The following C2 variants were observed in gnomAD, a reference collection of about 807,000 sequenced individuals.
The protein encoded by C2 is complement C2.
A neutral mutation model predicts 85.2 loss-of-function variants in C2; 64 were observed. The ratio of observed to expected loss-of-function variants is 0.75; its 90% CI spans 0.61 to 0.92. C2 has a LOEUF of 0.92. Among genes scored for constraint, C2 ranks in the 40% least tolerant of loss-of-function variants. C2 has a pLI of 0.00. For synonymous variants in C2, 311 were observed against 370.8 expected, an observed-to-expected ratio of 0.84 and a Z score of 1.85; for missense variants, 820 against 971.6, an observed-to-expected ratio of 0.84 and a Z score of 2.07.
chr6:31,923,945 G>A (rs1408064504), upstream of C2, among the ~76,000 whole-genome samples: 2 of 151,590 alleles, frequency 1.3e-5, no homozygotes, highest in Admixed American at 1.3e-4. Context: ...GACTACAGGC[G>A]CCTGCCACCG....
At chr6:31,905,421 G>A (rs1175829829) in intron 1 of C2, among the ~76,000 whole-genome samples, 1 of 132,358 alleles carries the variant, frequency 7.6e-6, no homozygotes, top group African/African-American at 3.0e-5. Flanking sequence ...CTGGGCAACA[G>A]AATGAGACCC....
intron 1 of C2, among the ~76,000 whole-genome samples, chr6:31,908,616 C>T (rs957744530): frequency 1.3e-5 from 2 of 150,402 alleles, no homozygotes; most frequent in Non-Finnish European, 3.0e-5. Context: ...TGCACCACTC[C>T]ACTCCAGCCT....
chr6:31,922,853 A>G (rs1769058830), upstream of C2, among the ~76,000 whole-genome samples: 1 of 152,180 alleles, frequency 6.6e-6, no homozygotes, highest in Non-Finnish European at 1.5e-5. This position sits in a 1 kb window ranked among gnomAD's most constrained non-coding sequence, Gnocchi z 4.8. Context: ...AAAACAAAAA[A>G]CCAAAAAAAC....
In C2 at chr6:31,936,229, G is replaced by GCT. The variant is rs1370127840; in HGVS notation, c.988+169_988+170dup. 4 of 685,882 alleles carry GCT rather than the reference G, an allele frequency of 5.8e-6. No homozygotes were observed. The African/African-American group carries it at 7.1e-5, about 12-fold the overall frequency. The allele number at this position is 685,882 out of a possible 1,614,324, so 42.5% of individuals were successfully genotyped here. ...TCCAGGGTTATGGTGGGGGAGTCCA[G>GCT]CTGCCCCCAGCTCATAGCTCATTCT... is the stretch of plus-strand genomic sequence containing the variant. On this transcript the variant is annotated intron_variant, in intron 7 of 17. Coordinates refer to ENST00000299367, the MANE Select transcript of C2 (RefSeq NM_000063.6).
Position 31,944,073 on chromosome 6 carries a change from A to C in C2, c.1811-62A>C. Reference sequence around the variant, plus strand: ...AACAAGGACTAGGCTGCAGTCCCCAAGCCAGGAACCTGGATTCTGGGTAAA... The same window carrying C: ...AACAAGGACTAGGCTGCAGTCCCCACGCCAGGAACCTGGATTCTGGGTAAA... On this transcript the variant is annotated intron_variant, in intron 14 of 17. Transcript: ENST00000299367. The surrounding 1 kb of genome is among the most constrained non-coding windows in gnomAD (Gnocchi z 5.1). 3.1e-6 allele frequency: 5 copies of C among 1,593,448 alleles called. No homozygotes were observed. Among genetic ancestry groups the C allele is most frequent in the Non-Finnish European group, 4.3e-6 (5 of 1,162,160 alleles).
rs770315100 is a variant in C2, at chr6:31,933,780, C to T, written c.613C>T (p.Arg205Cys). 1.3e-5 allele frequency: 21 copies of T among 1,613,810 alleles called. No individual in the cohort carries two copies. Among genetic ancestry groups the T allele is most frequent in the Non-Finnish European group, 1.7e-5 (20 of 1,180,034 alleles). ...GVWSGTEPIC[R>C]QPYSYDFPED... ...CTGGAGTGGAACGGAGCCCATCTGC[C>T]GCCGTGAGTAGCTGCCCTGCCCTCC... The change falls in exon 4 of 18, where the codon CGC becomes TGC. Residue 205 changes from arginine to cysteine, a missense_variant. Coordinates refer to ENST00000299367, the MANE Select transcript of C2 (RefSeq NM_000063.6).
At position 31,944,581 on chromosome 6, in the gene C2, A is replaced by G. The variant is rs1377234761; in HGVS notation, c.1903-146A>G. ...TTTTTAGTAGAGACGGGATTTCGCC[A>G]TGTTGGCCAGGATGGTCTTGAACTC... On this transcript the variant is annotated intron_variant, in intron 15 of 17. Coordinates refer to ENST00000299367, the MANE Select transcript of C2 (RefSeq NM_000063.6). This position sits in a 1 kb window ranked among gnomAD's most constrained non-coding sequence, Gnocchi z 5.1. 2.3e-5 allele frequency: 21 copies of G among 902,168 alleles called. No homozygotes were observed. Among genetic ancestry groups the G allele is most frequent in the Non-Finnish European group, 2.6e-5 (14 of 542,278 alleles). The allele number at this position is 902,168 out of a possible 1,614,324, so 55.9% of individuals were successfully genotyped here. A position where few individuals can be genotyped will look rare whatever the true frequency, so the allele number is the denominator to read the frequency against.
At chr6:31,907,210 T>C (rs1156744190) in intron 1 of C2, among the ~76,000 whole-genome samples, 11 of 151,738 alleles carry the variant, frequency 7.2e-5, no homozygotes, top group African/African-American at 2.7e-4. Context: ...AAATTCAAAG[T>C]TCAAAATTCA....
In C2 at chr6:31,921,287, T is replaced by TA. The variant is rs966315529; in HGVS notation, c.-100+1271dup. ...GACCTTACTTGGATAGCTCATTGTT[T>TA]AAAAAAAAAACTCCTGGATCCTTCC... On this transcript the variant is annotated intron_variant, in intron 1 of 3. Coordinates refer to the C2 transcript ENST00000413154. This position sits in a 1 kb window ranked among gnomAD's most constrained non-coding sequence, Gnocchi z 4.6. Among the ~76,000 whole-genome samples the TA allele has an allele frequency of 1.3e-4, 20 of 148,912 alleles. No individual in the cohort carries two copies. Among genetic ancestry groups the TA allele is most frequent in the African/African-American group, 3.4e-4 (14 of 40,628 alleles).
chr6:31,911,329 A>T (rs912104694), intron 1 of C2, among the ~76,000 whole-genome samples: 3 of 152,172 alleles, frequency 2.0e-5, no homozygotes, highest in Admixed American at 1.3e-4. Context: ...ACATAAAAAA[A>T]AAAATAAAAT....
intron 3 of C2, among the ~76,000 whole-genome samples, chr6:31,930,578 A>C (rs1164162523): frequency 6.6e-6 from 1 of 152,118 alleles, no homozygotes; most frequent in Admixed American, 6.5e-5. Flanking sequence ...GCTTGGCAGA[A>C]GTAGGGCTCC....
chr6:31,902,435 C>T (rs1346743464), intron 1 of C2, among the ~76,000 whole-genome samples: 1 of 152,106 alleles, frequency 6.6e-6, no homozygotes, highest in African/African-American at 2.4e-5. Flanking sequence ...CGGCTGCGGG[C>T]GCTGCCACCT....
upstream of C2, among the ~76,000 whole-genome samples, chr6:31,926,548 G>C (rs1202532183): frequency 1.3e-5 from 2 of 151,828 alleles, no homozygotes; most frequent in African/African-American, 4.8e-5. Context: ...TGGCCGGGCT[G>C]GTCTCAAATT....
rs1769049991 is a variant in C2, at chr6:31,922,674, T to G, written c.-100+2648T>G. ...CTGACCAGCATGGTGAAACCCCATC[T>G]CTACTAAAAATACAAAAATTAGCTG... is the stretch of plus-strand genomic sequence containing the variant. On this transcript the variant is annotated intron_variant, in intron 1 of 3. Coordinates refer to the C2 transcript ENST00000413154. This position sits in a 1 kb window ranked among gnomAD's most constrained non-coding sequence, Gnocchi z 4.8. 1.3e-5 allele frequency among the ~76,000 whole-genome samples: 2 copies of G among 152,100 alleles called. No homozygotes were observed. The highest frequency in any genetic ancestry group is 4.8e-5 in the African/African-American group (2 of 41,414).
At chr6:31,898,649 T>G (rs113209967), upstream of C2, among the ~76,000 whole-genome samples, 3,396 of 151,830 alleles carry the variant, frequency 0.022, 64 homozygotes, top group Non-Finnish European at 0.034. Context: ...TTAGCTTTTT[T>G]TTTTTTTTTT....
upstream of C2, among the ~76,000 whole-genome samples, chr6:31,918,153 C>T (rs3128759): frequency 0.73 from 110,318 of 151,870 alleles, 40,638 homozygotes; most frequent in South Asian, 0.84. Context: ...GGTATGATGG[C>T]ATATGCCTGT....
chr6:31,945,182 G>T lies in C2; in HGVS notation c.2084G>T (p.Gly695Val). The stretch of plus-strand genomic sequence containing the variant: ...CAGTTCTCTCCTTTTCTCCAGGTGG[G>T]TCTGGTGAGCTGGGGTCTTTACAAC... The part of the protein sequence containing the change: ...LERRFRFFQV[G>V]LVSWGLYNPC... Residue 695 changes from glycine to valine, a missense_variant, in exon 18 of 18, where the codon GGT (glycine) becomes GTT (valine). Physicochemically the swap from Gly to Val is moderately radical, Grantham distance 109. Coordinates refer to ENST00000299367, the MANE Select transcript of C2 (RefSeq NM_000063.6). The surrounding 1 kb of genome is among the most constrained non-coding windows in gnomAD (Gnocchi z 5.3). 1.2e-6 allele frequency: 2 copies of T among 1,612,906 alleles called. No individual in the cohort carries two copies. Among genetic ancestry groups the T allele is most frequent in the Non-Finnish European group, 1.7e-6 (2 of 1,179,992 alleles).
intron 3 of C2, among the ~76,000 whole-genome samples, chr6:31,932,801 G>T (rs1770010569): frequency 2.0e-5 from 3 of 152,234 alleles, no homozygotes; most frequent in Admixed American, 2.0e-4. Flanking sequence ...CCAAGATCAC[G>T]CCACTGCACT....
chr6:31,935,049 T>C lies in C2; in HGVS notation c.849+750T>C, dbSNP rs1219212308. ...ATAAAATAAAATAAAATAAAATATG[T>C]GTGATAGAAGTTTGGAAGCCACTGG... is the stretch of plus-strand genomic sequence containing the variant. On this transcript the variant is annotated intron_variant, in intron 6 of 17. Coordinates refer to ENST00000299367, the MANE Select transcript of C2 (RefSeq NM_000063.6). This position sits in a 1 kb window ranked among gnomAD's most constrained non-coding sequence, Gnocchi z 4.3. 2.1e-6 allele frequency: 2 copies of C among 942,396 alleles called. No homozygotes were observed. Among genetic ancestry groups the C allele is most frequent in the South Asian group, 9.8e-5 (2 of 20,404 alleles). The allele number at this position is 942,396 out of a possible 1,614,324, so 58.4% of individuals were successfully genotyped here. A position where few individuals can be genotyped will look rare whatever the true frequency, so the allele number is the denominator to read the frequency against.
Sources: gnomAD v4.1 joint callset for allele counts (sites outside exome capture counted in the v4.1 genomes callset) on GRCh38, gnomAD v4.1.1 for gene constraint, Gnocchi (gnomAD v3.1) non-coding constraint, MANE v1.5 for transcripts, NCBI Gene and HGNC (gene_info 2026-07-23, HGNC 2026-07-21) for gene names.